The following SGCZ variants were observed in gnomAD, a reference collection of about 807,000 sequenced individuals.
SGCZ encodes sarcoglycan zeta.
SGCZ carries 40 observed loss-of-function variants against 41.3 expected under a neutral mutation model. That is an observed-to-expected ratio of 0.97 (90% CI 0.75 to 1.26). The LOEUF (loss-of-function observed/expected upper bound fraction) is 1.26, where lower values mean the gene tolerates loss of function less well. Among genes scored for constraint, SGCZ ranks in the 50% most tolerant of loss-of-function variants. The pLI, the probability that SGCZ is intolerant of heterozygous loss-of-function variation, is 0.00. For synonymous variants in SGCZ, 206 were observed against 137.5 expected, an observed-to-expected ratio of 1.50 and a Z score of -3.49; for missense variants, 552 against 369.8, an observed-to-expected ratio of 1.49 and a Z score of -4.04.
chr8:14,587,852 G>A (rs10094685), intron 1 of SGCZ, among the ~76,000 whole-genome samples: 12 of 151,920 alleles, frequency 7.9e-5, no homozygotes, highest in Admixed American at 7.2e-4. Flanking sequence ...TTTGCTATTT[G>A]GGTTTACCAA....
intron 1 of SGCZ, among the ~76,000 whole-genome samples, chr8:15,044,308 C>T (rs1422020822): frequency 1.3e-5 from 2 of 152,050 alleles, no homozygotes; most frequent in Admixed American, 6.6e-5. Context: ...TTTTTCTGCC[C>T]ACTTTATCAA....
At chr8:14,931,248 T>A (rs1201682204) in intron 1 of SGCZ, among the ~76,000 whole-genome samples, 1 of 152,030 alleles carries the variant, frequency 6.6e-6, no homozygotes, top group Non-Finnish European at 1.5e-5. Flanking sequence ...AAAAATCTCA[T>A]TTTATTCACT....
rs1264437542 is a variant in SGCZ, at chr8:15,142,224, T to C, written c.39+95361A>G. Among the ~76,000 whole-genome samples the C allele has an allele frequency of 3.3e-5, 5 of 152,120 alleles. No individual in the cohort carries two copies. In the East Asian group the frequency reaches 9.7e-4, roughly 29 times the overall value. On this transcript the variant is annotated intron_variant, in intron 1 of 7. Coordinates refer to ENST00000382080, the MANE Select transcript of SGCZ (RefSeq NM_139167.4). ...TGGGTTTTAGGGTCTAAGATTTTAT[T>C]GAGGGGTAGGGAAATAACCCTAGAG...
intron 1 of SGCZ, among the ~76,000 whole-genome samples, chr8:15,090,906 G>C (rs567451342): frequency 6.6e-6 from 1 of 152,238 alleles, no homozygotes; most frequent in South Asian, 2.1e-4. Context: ...AATACAATCT[G>C]TGCATCTTTC....
rs1046095726 is a variant in SGCZ at position 14,264,405 on chromosome 8, G to C, written c.337-26726C>G. On this transcript the variant is annotated intron_variant, in intron 3 of 7. Coordinates refer to ENST00000382080, the MANE Select transcript of SGCZ (RefSeq NM_139167.4). ...GCTGGTTACTGTGGATGGAGCATCT[G>C]GATCTTCCTCAGCCTCAGACAGAAA... Among the ~76,000 whole-genome samples, 6 of 152,124 alleles carry C rather than the reference G, an allele frequency of 3.9e-5. No individual in the cohort carries two copies. In the East Asian group the frequency reaches 1.2e-3, roughly 29 times the overall value.
At chr8:14,468,828 A>T (rs1801127546) in intron 2 of SGCZ, among the ~76,000 whole-genome samples, 1 of 152,130 alleles carries the variant, frequency 6.6e-6, no homozygotes, top group Non-Finnish European at 1.5e-5. Flanking sequence ...GTGCCCAAGT[A>T]ACCTCAGATA....
chr8:14,282,383 T>C (rs1280043244), intron 3 of SGCZ, among the ~76,000 whole-genome samples: 6 of 152,142 alleles, frequency 3.9e-5, no homozygotes, highest in Non-Finnish European at 8.8e-5. Flanking sequence ...CACCAATTTA[T>C]TCTATCATCT....
intron 2 of SGCZ, among the ~76,000 whole-genome samples, chr8:14,547,692 C>T (rs577816257): frequency 1.3e-5 from 2 of 152,212 alleles, no homozygotes; most frequent in South Asian, 4.1e-4. Context: ...TCATCATCAC[C>T]ATTTTACAGA....
At chr8:14,878,179 CTTCT>C (rs1804438341) in intron 1 of SGCZ, among the ~76,000 whole-genome samples, 1 of 150,646 alleles carries the variant, frequency 6.6e-6, no homozygotes, top group African/African-American at 2.4e-5. Context: ...TCAAGGCAGT[CTTCT>C]TTTTTTCTTT....
chr8:15,080,085 T>C (rs1805683346), intron 1 of SGCZ, among the ~76,000 whole-genome samples: 1 of 152,178 alleles, frequency 6.6e-6, no homozygotes, highest in South Asian at 2.1e-4. Context: ...TCTTTCAGCA[T>C]CTCTGTAAAG....
intron 1 of SGCZ, among the ~76,000 whole-genome samples, chr8:14,836,754 G>A (rs552825039): frequency 4.0e-4 from 61 of 152,196 alleles, no homozygotes; most frequent in Middle Eastern, 3.4e-3. Flanking sequence ...CACCCACCTC[G>A]GCTTCCCAAA....
rs560148214 is a variant in SGCZ at position 14,352,858 on chromosome 8, A to C, written c.235-28654T>G. On this transcript the variant is annotated intron_variant, in intron 2 of 7. Coordinates refer to ENST00000382080, the MANE Select transcript of SGCZ (RefSeq NM_139167.4). The stretch of plus-strand genomic sequence containing the variant: ...ATTTTTAGGTGTCTTTTAACACCTA[A>C]ACAGCCTTAATTTTAAACCAATGAA... 2.1e-4 allele frequency among the ~76,000 whole-genome samples: 32 copies of C among 152,174 alleles called. No individual in the cohort carries two copies. The South Asian group carries it at 6.2e-3, about 30-fold the overall frequency.
intron 2 of SGCZ, among the ~76,000 whole-genome samples, chr8:14,450,428 G>A (rs955226853): frequency 1.3e-5 from 2 of 152,156 alleles, no homozygotes; most frequent in Non-Finnish European, 2.9e-5. Flanking sequence ...GGGTCAGGAG[G>A]GTAATGAGCA....
chr8:15,165,403 G>C (rs2117050377), intron 1 of SGCZ, among the ~76,000 whole-genome samples: 1 of 152,102 alleles, frequency 6.6e-6, no homozygotes, highest in African/African-American at 2.4e-5. Flanking sequence ...AAAGACTATT[G>C]GTAACATGCA....
At chr8:14,595,758 T>A (rs930038115) in intron 1 of SGCZ, among the ~76,000 whole-genome samples, 1 of 152,218 alleles carries the variant, frequency 6.6e-6, no homozygotes, top group African/African-American at 2.4e-5. Context: ...ATTCTTTCCA[T>A]AATAGCTTAC....
intron 2 of SGCZ, among the ~76,000 whole-genome samples, chr8:14,502,108 C>A (rs1802172872): frequency 6.6e-6 from 1 of 152,000 alleles, no homozygotes; most frequent in Non-Finnish European, 1.5e-5. Context: ...TTGCCTTCAA[C>A]ACAATTGAAG....
chr8:14,112,282 G>GT (rs1388420294), intron 5 of SGCZ, among the ~76,000 whole-genome samples: 17 of 82,506 alleles, frequency 2.1e-4, no homozygotes, highest in African/African-American at 5.5e-4. Context: ...TTTTTTTTTT[G>GT]TGGGGGGGGG....
intron 1 of SGCZ, among the ~76,000 whole-genome samples, chr8:14,934,337 T>G (rs1195429476): frequency 6.6e-6 from 1 of 151,834 alleles, no homozygotes. Flanking sequence ...TATATTTAAA[T>G]TAAAAGTATT....
At chr8:14,718,356 T>G (rs985087290) in intron 1 of SGCZ, among the ~76,000 whole-genome samples, 1 of 151,924 alleles carries the variant, frequency 6.6e-6, no homozygotes, top group African/African-American at 2.4e-5. Context: ...TCAGGAAAAG[T>G]AGACAGAAAG....
Sources: allele counts gnomAD v4.1 joint callset (sites outside exome capture counted in the v4.1 genomes callset), GRCh38; gene constraint gnomAD v4.1.1; transcripts MANE v1.5; gene names NCBI Gene and HGNC (gene_info 2026-07-23, HGNC 2026-07-21).